MSRA: variants seen among roughly 807,000 people sequenced by gnomAD.
MSRA encodes methionine sulfoxide reductase A.
A neutral mutation model predicts 31.3 loss-of-function variants in MSRA; 54 were observed. The observed-to-expected ratio is 1.73, with a 90% CI of 1.39 to 2.17. MSRA has a LOEUF of 2.17. MSRA is among the 30% of genes most tolerant of loss of function. The pLI, the probability that MSRA is intolerant of heterozygous loss-of-function variation, is 0.00. For missense variants in MSRA, 507 were observed against 300.9 expected (o/e 1.69, Z -5.07); for synonymous variants, 169 against 116.5 (o/e 1.45, Z -2.90).
chr8:10,198,457 T>G (rs1057319496), intron 1 of MSRA, among the ~76,000 whole-genome samples: 4 of 152,222 alleles, frequency 2.6e-5, no homozygotes, highest in African/African-American at 9.6e-5. Context: ...GTCACAAATT[T>G]ATTCTCCATG....
At chr8:10,093,120 T>C (rs949420087) in intron 1 of MSRA, among the ~76,000 whole-genome samples, 1 of 152,136 alleles carries the variant, frequency 6.6e-6, no homozygotes, top group South Asian at 2.1e-4. Context: ...TTGAATTTTG[T>C]TTTAAAATTT....
At chr8:10,397,563 C>T (rs909336677) in intron 5 of MSRA, among the ~76,000 whole-genome samples, 1 of 152,150 alleles carries the variant, frequency 6.6e-6, no homozygotes, top group Non-Finnish European at 1.5e-5. Context: ...CTTTGGAGGG[C>T]AGGGGCCACA....
At chr8:10,060,917 G>T (rs1176274812) in intron 1 of MSRA, among the ~76,000 whole-genome samples, 1 of 152,156 alleles carries the variant, frequency 6.6e-6, no homozygotes, top group Non-Finnish European at 1.5e-5. Flanking sequence ...TATTGTGAGT[G>T]ATGTACGTTG....
intron 1 of MSRA, among the ~76,000 whole-genome samples, chr8:10,081,529 A>T (rs13279619): frequency 0.53 from 80,637 of 151,606 alleles, 23,303 homozygotes; most frequent in Middle Eastern, 0.67. Flanking sequence ...TTACTCTGTC[A>T]CCCAGGCTGG....
At chr8:10,206,618 C>G (rs976810519) in intron 1 of MSRA, among the ~76,000 whole-genome samples, 3 of 152,116 alleles carry the variant, frequency 2.0e-5, no homozygotes, top group East Asian at 1.9e-4. Flanking sequence ...TTCTCTGGCC[C>G]GGGAAGATGA....
intron 3 of MSRA, among the ~76,000 whole-genome samples, chr8:10,299,298 T>A (rs1402339146): frequency 6.6e-6 from 1 of 152,154 alleles, no homozygotes; most frequent in African/African-American, 2.4e-5. Context: ...GTCATGTTGA[T>A]AACATATTAC....
chr8:10,182,728 C>G (rs78517560), intron 1 of MSRA, among the ~76,000 whole-genome samples: 5 of 152,076 alleles, frequency 3.3e-5, no homozygotes, highest in East Asian at 3.9e-4. Flanking sequence ...TGCTGGCCAT[C>G]GCCTGGAGGC....
chr8:10,354,695 A>G (rs368109655), intron 5 of MSRA, among the ~76,000 whole-genome samples: 49 of 150,580 alleles, frequency 3.3e-4, no homozygotes, highest in African/African-American at 1.2e-3. Context: ...TTCGCTGCAT[A>G]TTCATTTCAT....
At chr8:10,144,498 A>G (rs1802971411) in intron 1 of MSRA, among the ~76,000 whole-genome samples, 1 of 152,226 alleles carries the variant, frequency 6.6e-6, no homozygotes, top group African/African-American at 2.4e-5. Context: ...GTGTTTGTAA[A>G]TAGATGAAAC....
intron 3 of MSRA, among the ~76,000 whole-genome samples, chr8:10,295,413 A>G (rs1441504854): frequency 3.3e-5 from 4 of 122,358 alleles, no homozygotes; most frequent in African/African-American, 1.2e-4. Context: ...CTTCTCACAC[A>G]GGGACCTGGG....
At chr8:10,365,911 A>C (rs1314768757) in intron 5 of MSRA, among the ~76,000 whole-genome samples, 2 of 152,038 alleles carry the variant, frequency 1.3e-5, no homozygotes, top group Non-Finnish European at 1.5e-5. Context: ...ATCCCTTCCT[A>C]CCTCTGCATA....
At chr8:10,348,657 C>A (rs563915321) in intron 5 of MSRA, among the ~76,000 whole-genome samples, 1 of 152,144 alleles carries the variant, frequency 6.6e-6, no homozygotes, top group South Asian at 2.1e-4. Flanking sequence ...TGTGAGCCAC[C>A]ATGCCTGGCC....
chr8:10,193,196 C>G lies in MSRA; in HGVS notation c.143-14637C>G, dbSNP rs368783184. Reference sequence around the variant, plus strand: ...ACTCGTCTTCTACATTTCTAGAATTCTAGGGTCTTATTCAGGTGCTTCCAA... The same window carrying G: ...ACTCGTCTTCTACATTTCTAGAATTGTAGGGTCTTATTCAGGTGCTTCCAA... On this transcript the variant is annotated intron_variant, in intron 1 of 5. Transcript: ENST00000317173. Among the ~76,000 whole-genome samples the G allele has an allele frequency of 1.1e-4, 17 of 152,288 alleles. No homozygotes were observed. In the East Asian group the frequency reaches 2.5e-3, roughly 23 times the overall value.
intron 5 of MSRA, among the ~76,000 whole-genome samples, chr8:10,417,378 C>T (rs17767108): frequency 0.21 from 30,997 of 150,846 alleles, 3,881 homozygotes; most frequent in Non-Finnish European, 0.28. Flanking sequence ...CTCCGGGGTC[C>T]TCTTTGGTGT....
Position 10,218,382 on chromosome 8 carries a change from C to T in MSRA, c.211+10481C>T, listed in dbSNP as rs541853773. ...CTGGTGTCTAACTCCTGAACTCAGG[C>T]GATCCACCCGTCTCAGCCTCCCAAA... On this transcript the variant is annotated intron_variant, in intron 2 of 5. Coordinates refer to ENST00000317173, the MANE Select transcript of MSRA (RefSeq NM_012331.5). Among the ~76,000 whole-genome samples, 18 of 152,012 alleles carry T rather than the reference C, an allele frequency of 1.2e-4. No homozygotes were observed. In the South Asian group the frequency reaches 1.9e-3, roughly 16 times the overall value.
At chr8:10,313,891 T>C (rs1223481938) in intron 4 of MSRA, among the ~76,000 whole-genome samples, 1 of 152,158 alleles carries the variant, frequency 6.6e-6, no homozygotes, top group Admixed American at 6.5e-5. Flanking sequence ...AATGACACAG[T>C]TGGCATTTCA....
At chr8:10,262,544 C>A (rs1002597074) in intron 3 of MSRA, among the ~76,000 whole-genome samples, 2 of 152,096 alleles carry the variant, frequency 1.3e-5, no homozygotes, top group Non-Finnish European at 2.9e-5. Context: ...CTATTCAGAT[C>A]TTTTGCCCAT....
At chr8:10,136,841 C>T (rs933288845) in intron 1 of MSRA, among the ~76,000 whole-genome samples, 2 of 152,130 alleles carry the variant, frequency 1.3e-5, no homozygotes, top group Non-Finnish European at 2.9e-5. Context: ...CTTGGTGTGT[C>T]TTTGTAAAAT....
chr8:10,105,053 A>T (rs13264218), intron 1 of MSRA, among the ~76,000 whole-genome samples: 17 of 152,300 alleles, frequency 1.1e-4, no homozygotes, highest in Non-Finnish European at 1.9e-4. Flanking sequence ...ACATCTTTTA[A>T]TATTGGTAAT....
Sources: allele counts gnomAD v4.1 joint callset (sites outside exome capture counted in the v4.1 genomes callset), GRCh38; gene constraint gnomAD v4.1.1; transcripts MANE v1.5; gene names NCBI Gene and HGNC (gene_info 2026-07-23, HGNC 2026-07-21).